HIBADH: variants seen among roughly 807,000 people sequenced by gnomAD.
HIBADH encodes the protein 3-hydroxyisobutyrate dehydrogenase.
HIBADH carries 25 observed loss-of-function variants against 36.1 expected under a neutral mutation model. The ratio of observed to expected loss-of-function variants is 0.69; its 90% CI spans 0.50 to 0.97. The LOEUF (loss-of-function observed/expected upper bound fraction) is 0.97. HIBADH is among the 50% of genes least tolerant of loss of function. The probability of loss-of-function intolerance (pLI) is 0.00; values close to 1 mark genes in which losing one functional copy is unlikely to be tolerated. For synonymous variants in HIBADH, 160 were observed against 149.5 expected (o/e 1.07, Z -0.51); for missense variants, 421 against 418.0 (o/e 1.01, Z -0.06).
At chr7:27,538,246 C>G in intron 6 of HIBADH, 95 bp downstream of exon 6, 1 of 937,574 alleles carries the variant, frequency 1.1e-6, no homozygotes, top group Non-Finnish European at 1.6e-6. Flanking sequence ...TGGATCAACT[C>G]ATTTATCTCT....
chr7:27,551,919 T>A (rs1390084536), intron 4 of HIBADH, among the ~76,000 whole-genome samples: 1 of 152,182 alleles, frequency 6.6e-6, no homozygotes, highest in East Asian at 1.9e-4. Flanking sequence ...GTTCTAATCA[T>A]TTTCTACAGA....
At chr7:27,574,071 G>A (rs11762056) in intron 4 of HIBADH, among the ~76,000 whole-genome samples, 15,792 of 152,194 alleles carry the variant, frequency 0.1, 984 homozygotes, top group Middle Eastern at 0.14. Flanking sequence ...CCAAGAGCTA[G>A]AGCTGGTTTT....
intron 4 of HIBADH, among the ~76,000 whole-genome samples, chr7:27,573,980 AC>A (rs1343836676): frequency 6.6e-6 from 1 of 152,194 alleles, no homozygotes; most frequent in African/African-American, 2.4e-5. Flanking sequence ...GGCTTATATT[AC>A]ATTTCTATTG....
chr7:27,531,128 A>G, intron 7 of HIBADH, 64 bp downstream of exon 7: 1 of 1,441,906 alleles, frequency 6.9e-7, no homozygotes, highest in African/African-American at 1.4e-5. Flanking sequence ...GAGAAAGAGA[A>G]GGAAGGTGTT....
At chr7:27,615,210 G>C (rs1212744543) in intron 4 of HIBADH, among the ~76,000 whole-genome samples, 2 of 152,100 alleles carry the variant, frequency 1.3e-5, no homozygotes. Flanking sequence ...AACTATGACT[G>C]CTATGAAGAA....
At chr7:27,644,382 C>G (rs1321998928) in intron 2 of HIBADH, among the ~76,000 whole-genome samples, 1 of 151,910 alleles carries the variant, frequency 6.6e-6, no homozygotes, top group African/African-American at 2.4e-5. Flanking sequence ...GGTGGATCAC[C>G]TGAGGTCAGG....
At position 27,543,098 on chromosome 7, in the gene HIBADH, C is replaced by T. The variant is rs561279065; in HGVS notation, c.487G>A (p.Val163Ile). Residue 163 changes from valine (V) to isoleucine (I), a missense_variant and splice_region_variant, in exon 5 of 8, where the codon GTA becomes ATA. Val to Ile is a conservative substitution (Grantham distance 29). Coordinates refer to ENST00000265395, the MANE Select transcript of HIBADH (RefSeq NM_152740.4). ...AGGTTCCCAGATCGTGCAGCTCCTA[C>T]ACCTGAATCATTTGGGGGTAAAGGG... ...VFMDAPVSGG[V>I]GAARSGNLTF... 7.4e-6 allele frequency: 12 copies of T among 1,613,530 alleles called. No homozygotes were observed. The highest frequency in any genetic ancestry group is 1.7e-4 in the Middle Eastern group (1 of 6,052).
chr7:27,638,736 A>C (rs1785903147), intron 2 of HIBADH, among the ~76,000 whole-genome samples: 2 of 152,202 alleles, frequency 1.3e-5, no homozygotes, highest in South Asian at 4.1e-4. Flanking sequence ...AGGGAACTTA[A>C]ATCAACAAGC....
intron 4 of HIBADH, among the ~76,000 whole-genome samples, chr7:27,555,302 C>CTTTTTTT (rs3072856): frequency 7.8e-6 from 1 of 127,436 alleles, no homozygotes; most frequent in Non-Finnish European, 1.6e-5. Context: ...TCTTGCTCTA[C>CTTTTTTT]TTTTTTTTTT....
At chr7:27,610,963 A>G (rs1785311167) in intron 4 of HIBADH, among the ~76,000 whole-genome samples, 1 of 152,214 alleles carries the variant, frequency 6.6e-6, no homozygotes, top group African/African-American at 2.4e-5. Context: ...AATGAAGTCT[A>G]TATGAAACTC....
intron 4 of HIBADH, among the ~76,000 whole-genome samples, chr7:27,606,147 TA>T (rs1445762190): frequency 2.2e-4 from 34 of 152,208 alleles, no homozygotes; most frequent in Admixed American, 2.1e-3. Flanking sequence ...ATTTACTTTT[TA>T]AAAGTTGAAA....
At chr7:27,603,640 G>A (rs1785170646) in intron 4 of HIBADH, among the ~76,000 whole-genome samples, 1 of 151,898 alleles carries the variant, frequency 6.6e-6, no homozygotes, top group South Asian at 2.1e-4. Flanking sequence ...CTAAATTTCA[G>A]ATATTTAAAA....
chr7:27,593,297 A>C (rs1041758937), intron 4 of HIBADH, among the ~76,000 whole-genome samples: 1 of 151,976 alleles, frequency 6.6e-6, no homozygotes, highest in Admixed American at 6.6e-5. Context: ...TTCTGCAAAC[A>C]CTCCAAAATC....
intron 7 of HIBADH, among the ~76,000 whole-genome samples, chr7:27,526,917 C>T (rs1367546725): frequency 6.6e-6 from 1 of 152,036 alleles, no homozygotes; most frequent in Non-Finnish European, 1.5e-5. Flanking sequence ...GGAGTACTAT[C>T]ATGGGATCCA....
chr7:27,533,946 C>A (rs1198168852), intron 6 of HIBADH, among the ~76,000 whole-genome samples: 1 of 152,172 alleles, frequency 6.6e-6, no homozygotes, highest in East Asian at 1.9e-4. Flanking sequence ...TGTCAGTCCC[C>A]ATAATAACTT....
chr7:27,543,213 T>C (rs1784185321), intron 4 of HIBADH, 113 bp from the exon 5 acceptor site: 2 of 1,050,556 alleles, frequency 1.9e-6, no homozygotes, highest in Admixed American at 4.7e-5. Flanking sequence ...CCAATCTGTA[T>C]TTATGCCAGG....
chr7:27,558,884 A>G (rs1235109402), intron 4 of HIBADH, among the ~76,000 whole-genome samples: 1 of 152,174 alleles, frequency 6.6e-6, no homozygotes, highest in Non-Finnish European at 1.5e-5. Flanking sequence ...ATCCAGCAGA[A>G]TATTTTCAAG....
chr7:27,600,277 CTT>C (rs11344706), intron 4 of HIBADH, among the ~76,000 whole-genome samples: 56 of 149,750 alleles, frequency 3.7e-4, no homozygotes, highest in South Asian at 4.2e-4. Flanking sequence ...AAGAATTGTT[CTT>C]TTTTTTTTTT....
chr7:27,553,368 G>A (rs1379491751), intron 4 of HIBADH, among the ~76,000 whole-genome samples: 1 of 152,206 alleles, frequency 6.6e-6, no homozygotes, highest in Non-Finnish European at 1.5e-5. Context: ...GTTGGCAGCT[G>A]CTACATTTGC....
Sources: allele counts gnomAD v4.1 joint callset (sites outside exome capture counted in the v4.1 genomes callset), GRCh38; gene constraint gnomAD v4.1.1; transcripts MANE v1.5; gene names NCBI Gene and HGNC (gene_info 2026-07-23, HGNC 2026-07-21).